SREK1: variants seen among roughly 807,000 people sequenced by gnomAD.
SREK1 encodes splicing regulatory glutamine/lysine-rich protein 1.
A neutral mutation model predicts 66.5 loss-of-function variants in SREK1; 13 were observed. The ratio of observed to expected loss-of-function variants is 0.20; its 90% CI spans 0.13 to 0.31. The LOEUF (loss-of-function observed/expected upper bound fraction) is 0.31, where lower values mean the gene tolerates loss of function less well. Ranked by LOEUF, SREK1 falls within the 10% of genes least tolerant of loss-of-function variation. The probability of loss-of-function intolerance (pLI) is 1.00; values close to 1 mark genes in which losing one functional copy is unlikely to be tolerated. For synonymous variants in SREK1, 265 were observed against 263.5 expected (o/e 1.01, Z -0.05); for missense variants, 607 against 769.6 (o/e 0.79, Z 2.50).
In SREK1 at chr5:66,178,776, G is replaced by A. The variant is rs1173893226; in HGVS notation, c.1783G>A (p.Asp595Asn). 2 of 1,612,612 alleles carry A rather than the reference G, an allele frequency of 1.2e-6. No homozygotes were observed. The highest frequency in any genetic ancestry group is 1.7e-4 in the Middle Eastern group (1 of 6,048). ...TGTGAGCAAAGAAGTAGATGACAAG[G>A]ATGCACCAAGGACTGAGGAAAACAA... ...SSVSKEVDDKDAPRTEENKIQ... is the reference protein window; with the variant it reads ...SSVSKEVDDKNAPRTEENKIQ... Residue 595 changes from aspartate to asparagine, a missense_variant, in exon 12 of 12, where the codon GAT becomes AAT. By Grantham distance (23) the Asp-to-Asn change is conservative. Around this residue, in one of 5 missense-constraint regions of SREK1, gnomAD observed 318 missense variants for 310.3 expected, o/e 1.02. Transcript: ENST00000334121.
At position 66,170,461 on chromosome 5, in the gene SREK1, G is replaced by A; in HGVS notation, c.1122-124G>A. On this transcript the variant is annotated intron_variant, in intron 8 of 11. Coordinates refer to ENST00000334121, the MANE Select transcript of SREK1 (RefSeq NM_001077199.3). Reference sequence around the variant, plus strand: ...TTGTACACCTGAGCTATATAAAAATGTATATGTAAATGTCTGTAGGTACTA... The same window carrying A: ...TTGTACACCTGAGCTATATAAAAATATATATGTAAATGTCTGTAGGTACTA... The A allele has an allele frequency of 7.1e-6, 9 of 1,265,426 alleles. No individual in the cohort carries two copies. In the South Asian group the frequency reaches 1.2e-4, roughly 17 times the overall value. The allele number at this position is 1,265,426 out of a possible 1,614,324, so 78.4% of individuals were successfully genotyped here. A position where few individuals can be genotyped will look rare whatever the true frequency, so the allele number is the denominator to read the frequency against.
At chr5:66,151,359 A>C (rs1361374888) in intron 1 of SREK1, among the ~76,000 whole-genome samples, 1 of 152,198 alleles carries the variant, frequency 6.6e-6, no homozygotes, top group Non-Finnish European at 1.5e-5. Flanking sequence ...TTACATGGCC[A>C]CACCTAACTT....
chr5:66,159,172 T>C (rs761866443), intron 2 of SREK1, 47 bp from the exon 3 acceptor site: 2 of 1,576,368 alleles, frequency 1.3e-6, no homozygotes, highest in South Asian at 2.3e-5. Context: ...GTGTAAAGTT[T>C]GTGTGGTGTT....
chr5:66,166,740 A>T (rs1181245715), intron 7 of SREK1: 1 of 152,234 alleles, frequency 6.6e-6, no homozygotes, highest in East Asian at 1.9e-4. Context: ...AAGTGCTGGG[A>T]TTATAGGCAT....
intron 2 of SREK1, 138 bp from the exon 3 acceptor site, chr5:66,159,077 CTTAT>C (rs1179024355): frequency 3.7e-5 from 52 of 1,421,398 alleles, no homozygotes; most frequent in Admixed American, 5.8e-5. Context: ...GACTTAAGTT[CTTAT>C]TTATTTCTTT....
In SREK1 at chr5:66,147,292, T is replaced by C. The variant is rs7723316; in HGVS notation, c.161+2755T>C. ...AAATATGTAGAATTACTATTAACTT[T>C]TTGCACAATAAATCAATCTCACAGC... On this transcript the variant is annotated intron_variant, in intron 1 of 11. Coordinates refer to ENST00000334121, the MANE Select transcript of SREK1 (RefSeq NM_001077199.3). 2.5e-3 allele frequency among the ~76,000 whole-genome samples: 382 copies of C among 152,308 alleles called. 3 individuals carry two copies. The highest frequency in any genetic ancestry group is 8.9e-3 in the African/African-American group (368 of 41,572).
Position 66,178,722 on chromosome 5 carries a change from A to G in SREK1, c.1729A>G (p.Lys577Glu). 6.2e-7 allele frequency: 1 copy of G among 1,607,000 alleles called. No homozygotes were observed. Among genetic ancestry groups the G allele is most frequent in the Non-Finnish European group, 8.5e-7 (1 of 1,175,976 alleles). Reference sequence around the variant, plus strand: ...ATACCTTAATTACTCATTGTAGGAGAAAGAGCACAATAAAGAACCAGATTC... The same window carrying G: ...ATACCTTAATTACTCATTGTAGGAGGAAGAGCACAATAAAGAACCAGATTC... ...LEKNSTSLKE[K>E]EHNKEPDSSV... is the part of the protein sequence containing the mutation. Residue 577 changes from lysine to glutamate, a missense_variant, in exon 12 of 12, where the codon AAA (lysine) becomes GAA (glutamate). Physicochemically the swap from Lys to Glu is moderately conservative, Grantham distance 56. This residue lies in a region of SREK1 where 318 missense variants were observed against 310.3 expected (regional missense o/e 1.02). Coordinates refer to ENST00000334121, the MANE Select transcript of SREK1 (RefSeq NM_001077199.3).
rs766074188 is a variant in SREK1, at chr5:66,159,206, C to T, written c.296-13C>T. On this transcript the variant is annotated splice_polypyrimidine_tract_variant and intron_variant, in intron 2 of 11. Transcript: ENST00000334121. ...TTTCTGCTTTTTGTAATGTTTGGAA[C>T]TTGCCTCTGCAGGTAAAATCCCAGA... The T allele has an allele frequency of 6.2e-7, 1 of 1,605,412 alleles. No individual in the cohort carries two copies. Among genetic ancestry groups the T allele is most frequent in the Non-Finnish European group, 8.5e-7 (1 of 1,177,098 alleles).
At chr5:66,165,647 T>C (rs1486224406) in intron 7 of SREK1, 1 of 152,288 alleles carries the variant, frequency 6.6e-6, no homozygotes, top group African/African-American at 2.4e-5. Flanking sequence ...AATTTTGTTG[T>C]CTATTTTAAG....
chr5:66,144,924 C>A lies in SREK1; in HGVS notation c.161+387C>A. 5 of 993,208 alleles carry A rather than the reference C, an allele frequency of 5.0e-6. No individual in the cohort carries two copies. In the South Asian group the frequency reaches 2.2e-4, roughly 44 times the overall value. The allele number at this position is 993,208 out of a possible 1,614,324, so 61.5% of individuals were successfully genotyped here. ...CAGAGCGTTTTTCCACTCTGAAAATCGCGGAGACCGCGCCTGAGCCACAGT... is the reference window on the plus strand; with the variant it reads ...CAGAGCGTTTTTCCACTCTGAAAATAGCGGAGACCGCGCCTGAGCCACAGT... On this transcript the variant is annotated intron_variant, in intron 1 of 11. Transcript: ENST00000334121.
At position 66,159,352 on chromosome 5, in the gene SREK1, G is replaced by T. The variant is rs760206530; in HGVS notation, c.411+18G>T. On this transcript the variant is annotated intron_variant, in intron 3 of 11. Transcript: ENST00000334121. ...TGACTACTGTAAGTACTATAAGCTG[G>T]CTTATGAAAGAGGTGAATGTTCAAC... is the stretch of plus-strand genomic sequence containing the variant. The T allele has an allele frequency of 1.3e-6, 2 of 1,578,982 alleles. No homozygotes were observed. Among genetic ancestry groups the T allele is most frequent in the Admixed American group, 1.9e-5 (1 of 53,932 alleles).
intron 2 of SREK1, among the ~76,000 whole-genome samples, chr5:66,154,042 CTT>C (rs1317406754): frequency 6.6e-6 from 1 of 152,078 alleles, no homozygotes; most frequent in Non-Finnish European, 1.5e-5. Context: ...CAAGTACACT[CTT>C]AAGGTAATTT....
At chr5:66,165,037 G>GT in intron 7 of SREK1, 140 bp downstream of exon 7, 1 of 718,738 alleles carries the variant, frequency 1.4e-6, no homozygotes, top group Non-Finnish European at 2.2e-6. Flanking sequence ...TTTAAATATT[G>GT]TTCTAATTGT....
chr5:66,157,506 G>T, intron 2 of SREK1: 1 of 985,134 alleles, frequency 1.0e-6, no homozygotes. Flanking sequence ...CAAACCTTTT[G>T]AGATAATACC....
At position 66,170,695 on chromosome 5, in the gene SREK1, G is replaced by T. The variant is rs747790694; in HGVS notation, c.1232G>T (p.Arg411Leu). ...AAGGAACGTGAAAAAGAAAAGGAAC[G>T]GGGTAAAAACAAAGACCGGGACAAG... ...REKEREKEKE[R>L]GKNKDRDKER... Residue 411 changes from arginine (R) to leucine (L), a missense_variant, in exon 9 of 12, where the codon CGG becomes CTG. Transcript: ENST00000334121. The T allele has an allele frequency of 6.2e-7, 1 of 1,609,646 alleles. No homozygotes were observed. Among genetic ancestry groups the T allele is most frequent in the Admixed American group, 1.7e-5 (1 of 58,978 alleles).
At chr5:66,155,636 T>G (rs938306707) in intron 2 of SREK1, among the ~76,000 whole-genome samples, 8 of 152,230 alleles carry the variant, frequency 5.3e-5, no homozygotes, top group Non-Finnish European at 1.2e-4. Context: ...TCCTTGATGT[T>G]GAACAAACAG....
At chr5:66,144,898 T>G in intron 1 of SREK1, 1 of 1,003,706 alleles carries the variant, frequency 1.0e-6, no homozygotes, top group African/African-American at 1.7e-5. Flanking sequence ...GGCAAACGTC[T>G]CAGAGCGTTT....
At chr5:66,157,333 A>G (rs1156737399) in intron 2 of SREK1, 2 of 983,426 alleles carry the variant, frequency 2.0e-6, no homozygotes, top group African/African-American at 3.5e-5. Context: ...TAGTCTTTCT[A>G]CAATGTCTTC....
At chr5:66,162,305 T>C in intron 4 of SREK1, 32 bp downstream of exon 4, 1 of 1,611,972 alleles carries the variant, frequency 6.2e-7, no homozygotes, top group Non-Finnish European at 8.5e-7. Flanking sequence ...AAAGCAGCAG[T>C]AGCCCTTATT....
Sources: allele counts gnomAD v4.1 joint callset (sites outside exome capture counted in the v4.1 genomes callset), GRCh38; gene constraint gnomAD v4.1.1; regional missense constraint gnomAD v4.1.1; transcripts MANE v1.5; gene names NCBI Gene and HGNC (gene_info 2026-07-23, HGNC 2026-07-21).